Variants in TENM1 observed in about 807,000 individuals in gnomAD.
TENM1 encodes the protein teneurin transmembrane protein 1.
A neutral mutation model predicts 174.8 loss-of-function variants in TENM1; 35 were observed. The ratio of observed to expected loss-of-function variants is 0.20; its 90% CI spans 0.15 to 0.27. The LOEUF is 0.27. Among genes scored for constraint, TENM1 ranks in the 10% least tolerant of loss-of-function variants. The pLI, the probability that TENM1 is intolerant of heterozygous loss-of-function variation, is 1.00. For missense variants in TENM1, 1,633 were observed against 2,130.1 expected (o/e 0.77, Z 4.59); for synonymous variants, 781 against 798.7 (o/e 0.98, Z 0.37).
the TENM1 span, among the ~76,000 whole-genome samples, chrX:124,998,273 G>A: frequency 9.1e-6 from 1 of 109,586 alleles, no homozygotes; most frequent in Admixed American, 9.9e-5. Context: ...TATATGCATT[G>A]AAATTGGATT....
intron 5 of TENM1, among the ~76,000 whole-genome samples, chrX:124,675,088 G>T (rs950245743): frequency 9.0e-6 from 1 of 111,618 alleles, no homozygotes; most frequent in East Asian, 2.8e-4. Flanking sequence ...AGATAAAGAG[G>T]TATGGGCACA....
intron 1 of TENM1, among the ~76,000 whole-genome samples, chrX:124,921,314 T>C (rs575820453): frequency 2.7e-5 from 3 of 111,176 alleles, no homozygotes; most frequent in South Asian, 7.5e-4. Context: ...ATACTCATTG[T>C]AGAGTGAAGG....
At chrX:124,761,783 G>A (rs760197383) in intron 3 of TENM1, among the ~76,000 whole-genome samples, 3 of 111,429 alleles carry the variant, frequency 2.7e-5, no homozygotes, top group African/African-American at 6.5e-5. Context: ...ATCTTTCCAC[G>A]TATGTACATA....
intron 6 of TENM1, among the ~76,000 whole-genome samples, chrX:124,668,519 A>T (rs1316459711): frequency 2.7e-5 from 3 of 112,285 alleles, no homozygotes; most frequent in South Asian, 3.8e-4. Context: ...CTATGCAGCC[A>T]TAAAAAAGGA....
At chrX:125,091,985 CAAAAAAAAAAAAAAA>C in the TENM1 span, among the ~76,000 whole-genome samples, 8 of 14,182 alleles carry the variant, frequency 5.6e-4, no homozygotes, top group South Asian at 0.02. Flanking sequence ...AACTCTGTCT[CAAAAAAAAAAAAAAA>C]AAAAAAAAAA....
chrX:124,835,961 A>G (rs762332539), intron 3 of TENM1, among the ~76,000 whole-genome samples: 5 of 111,761 alleles, frequency 4.5e-5, no homozygotes, highest in Non-Finnish European at 9.4e-5. Flanking sequence ...AGGGTGGGCT[A>G]TGGAAAGGCT....
chrX:124,656,822 T>C (rs1453263990), intron 6 of TENM1, among the ~76,000 whole-genome samples: 1 of 111,561 alleles, frequency 9.0e-6, no homozygotes, highest in Non-Finnish European at 1.9e-5. Context: ...TACAAAATAG[T>C]ATTTTTTGAG....
chrX:125,084,272 T>C, the TENM1 span, among the ~76,000 whole-genome samples: 106 of 110,366 alleles, frequency 9.6e-4, no homozygotes, highest in Non-Finnish European at 2.9e-4. Context: ...AAAAAATCTT[T>C]ATTGAATACT....
the TENM1 span, among the ~76,000 whole-genome samples, chrX:125,026,756 T>A: frequency 8.9e-6 from 1 of 112,083 alleles, no homozygotes; most frequent in South Asian, 3.6e-4. Flanking sequence ...ATTAACTTAA[T>A]TAACAAAATA....
the TENM1 span, among the ~76,000 whole-genome samples, chrX:125,159,596 C>T: frequency 9.0e-6 from 1 of 111,726 alleles, no homozygotes; most frequent in Non-Finnish European, 1.9e-5. Flanking sequence ...CTGAATCTTT[C>T]CTGAGTCAGT....
chrX:125,018,901 T>G, the TENM1 span, among the ~76,000 whole-genome samples: 2 of 111,946 alleles, frequency 1.8e-5, no homozygotes, highest in Non-Finnish European at 3.8e-5. Context: ...ATTGAACAAG[T>G]AATATAGATG....
At chrX:125,184,132 A>G in the TENM1 span, among the ~76,000 whole-genome samples, 1 of 111,922 alleles carries the variant, frequency 8.9e-6, no homozygotes, top group Admixed American at 9.5e-5. Flanking sequence ...CTGCTCTCTG[A>G]AACTTTTAAA....
Position 124,481,957 on chromosome X carries a change from G to A in TENM1, c.3724C>T (p.Pro1242Ser), listed in dbSNP as rs145896600. 4,285 of 1,158,557 alleles carry A rather than the reference G, an allele frequency of 3.7e-3. 6 individuals carry two copies. Among genetic ancestry groups the A allele is most frequent in the Non-Finnish European group, 4.7e-3 (4,043 of 859,918 alleles). ...ATAGCCAGATAGTATTTGTGAGCAG[G>A]ACTTGTGCTAAGGAAGAGAAAAGTA... Residue 1242 changes from proline (P) to serine (S), a missense_variant, in exon 22 of 32, where the codon CCT becomes TCT. Around this residue, in one of 4 missense-constraint regions of TENM1, gnomAD observed 72 missense variants for 59.4 expected, o/e 1.21. Coordinates refer to ENST00000422452, the Ensembl canonical transcript of TENM1.
At chrX:124,696,059 A>AC (rs1474268804) in intron 5 of TENM1, among the ~76,000 whole-genome samples, 1 of 112,117 alleles carries the variant, frequency 8.9e-6, no homozygotes, top group Non-Finnish European at 1.9e-5. Flanking sequence ...ATCTATTTGT[A>AC]CCATCTGGCT....
At chrX:124,906,195 T>C (rs371631067) in intron 1 of TENM1, among the ~76,000 whole-genome samples, 90 of 112,237 alleles carry the variant, frequency 8.0e-4, no homozygotes, top group African/African-American at 2.8e-3. Flanking sequence ...AGGCTATCTT[T>C]ATAATAAAGT....
chrX:124,567,666 T>G (rs1700543854), intron 11 of TENM1, among the ~76,000 whole-genome samples: 1 of 111,717 alleles, frequency 9.0e-6, no homozygotes, highest in Admixed American at 9.5e-5. Flanking sequence ...AAACGTATCT[T>G]AAAAACGTGG....
intron 11 of TENM1, among the ~76,000 whole-genome samples, chrX:124,614,094 G>A (rs1054912814): frequency 9.0e-5 from 10 of 111,545 alleles, no homozygotes; most frequent in Non-Finnish European, 1.1e-4. Flanking sequence ...GGGTGGTGGC[G>A]TGGTATGTCA....
chrX:124,481,921 A>C, exon 22 of TENM1: 2 of 1,205,008 alleles, frequency 1.7e-6, no homozygotes, highest in Non-Finnish European at 2.2e-6. Context: ...AGTGATTCAG[A>C]CACAGGGTCC....
chrX:124,961,425 T>C (rs1316142548), intron 1 of TENM1, among the ~76,000 whole-genome samples: 5 of 111,137 alleles, frequency 4.5e-5, no homozygotes, highest in Non-Finnish European at 7.5e-5. Flanking sequence ...GCAGATCACA[T>C]GAGGCCAGGA....
Sources: allele counts gnomAD v4.1 joint callset (sites outside exome capture counted in the v4.1 genomes callset), GRCh38; gene constraint gnomAD v4.1.1; regional missense constraint gnomAD v4.1.1; transcripts MANE v1.5; gene names NCBI Gene and HGNC (gene_info 2026-07-23, HGNC 2026-07-21).